RGS6: variants seen among roughly 807,000 people sequenced by gnomAD.
The protein encoded by RGS6 is regulator of G protein signaling 6.
In RGS6, 30 loss-of-function variants were observed where a neutral mutation model predicts 78.5. That is an observed-to-expected ratio of 0.38 (90% CI 0.29 to 0.52). The LOEUF (loss-of-function observed/expected upper bound fraction) is 0.52. RGS6 is among the 20% of genes least tolerant of loss of function. The probability of loss-of-function intolerance (pLI) is 0.85; values close to 1 mark genes in which losing one functional copy is unlikely to be tolerated. For synonymous variants in RGS6, 206 were observed against 206.0 expected, an observed-to-expected ratio of 1.00 and a Z score of 0.00; for missense variants, 495 against 609.7, an observed-to-expected ratio of 0.81 and a Z score of 1.98.
chr14:72,362,365 A>G (rs1488146428), intron 3 of RGS6, among the ~76,000 whole-genome samples: 1 of 152,214 alleles, frequency 6.6e-6, no homozygotes, highest in African/African-American at 2.4e-5. Flanking sequence ...TGTATAACAA[A>G]CCCACAAACT....
intron 3 of RGS6, among the ~76,000 whole-genome samples, chr14:72,381,411 A>G (rs188460983): frequency 2.0e-5 from 3 of 152,238 alleles, no homozygotes; most frequent in Non-Finnish European, 4.4e-5. Context: ...TACCCCATAA[A>G]TATGTACAAT....
At chr14:72,075,552 T>C (rs2094545045) in intron 2 of RGS6, among the ~76,000 whole-genome samples, 1 of 152,184 alleles carries the variant, frequency 6.6e-6, no homozygotes, top group Non-Finnish European at 1.5e-5. Context: ...TATAAATATA[T>C]GACATGTTCA....
chr14:72,367,788 G>A (rs961577773), intron 3 of RGS6, among the ~76,000 whole-genome samples: 2 of 152,132 alleles, frequency 1.3e-5, no homozygotes, highest in Non-Finnish European at 2.9e-5. Context: ...AACAGCCTAT[G>A]TGACCTGGGT....
chr14:72,038,508 C>T (rs1178460663), intron 2 of RGS6, among the ~76,000 whole-genome samples: 1 of 152,078 alleles, frequency 6.6e-6, no homozygotes, highest in East Asian at 1.9e-4. Context: ...ACAATACTAT[C>T]TTCCAATTTT....
intron 2 of RGS6, among the ~76,000 whole-genome samples, chr14:72,169,862 A>G (rs534621589): frequency 5.9e-5 from 9 of 152,236 alleles, no homozygotes; most frequent in African/African-American, 2.2e-4. Flanking sequence ...AGAATCTTTA[A>G]CCTTCTCCTA....
the RGS6 span, among the ~76,000 whole-genome samples, chr14:72,613,377 C>T: frequency 7.4e-4 from 112 of 152,286 alleles, no homozygotes; most frequent in African/African-American, 2.6e-3. Flanking sequence ...TATCTCTGTC[C>T]AAGAGGGTTC....
Position 72,562,851 on chromosome 14 carries a change from A to T in RGS6, c.*384A>T, listed in dbSNP as rs2097692068. On this transcript the variant is annotated 3_prime_UTR_variant, in exon 18 of 18. Transcript: ENST00000553525. Reference sequence around the variant, plus strand: ...ACTCCCTCGCTGTCTGGAGACGGTCACACCTTCTGGCAAATTCAAGAGGCA... The same window carrying T: ...ACTCCCTCGCTGTCTGGAGACGGTCTCACCTTCTGGCAAATTCAAGAGGCA... 8.4e-7 allele frequency: 1 copy of T among 1,185,656 alleles called. No individual in the cohort carries two copies. Among genetic ancestry groups the T allele is most frequent in the Non-Finnish European group, 1.2e-6 (1 of 827,532 alleles). The allele number at this position is 1,185,656 out of a possible 1,614,324, so 73.4% of individuals were successfully genotyped here. A position where few individuals can be genotyped will look rare whatever the true frequency, so the allele number is the denominator to read the frequency against.
rs2092473069 is a variant in RGS6, at chr14:72,402,162, CAAAG to C, written c.184+49970_184+49973del. ...CCCTTGGCTGAACCCAGCCAGAAGG[CAAAG>C]AGAGACCCATTGGTCCATTCCGTCC... is the stretch of plus-strand genomic sequence containing the variant. On this transcript the variant is annotated intron_variant, in intron 3 of 17. Coordinates refer to ENST00000553525, the MANE Select transcript of RGS6 (RefSeq NM_001204424.2). 1.3e-5 allele frequency among the ~76,000 whole-genome samples: 2 copies of C among 152,150 alleles called. 1 individual carries two copies. Among genetic ancestry groups the C allele is most frequent in the Non-Finnish European group, 2.9e-5 (2 of 68,034 alleles).
intron 2 of RGS6, among the ~76,000 whole-genome samples, chr14:72,185,540 C>A (rs756462086): frequency 4.6e-5 from 7 of 152,058 alleles, no homozygotes; most frequent in Non-Finnish European, 4.4e-5. Context: ...AACAGTATGA[C>A]AAATGAAGGA....
the RGS6 span, among the ~76,000 whole-genome samples, chr14:71,885,771 CTCT>C: frequency 1.0e-3 from 4 of 4,016 alleles, no homozygotes; most frequent in African/African-American, 0.012. Context: ...CCAATGCTGT[CTCT>C]ACTTTTAGAG....
intron 2 of RGS6, among the ~76,000 whole-genome samples, chr14:72,085,920 C>G (rs1342230923): frequency 6.7e-6 from 1 of 150,042 alleles, no homozygotes; most frequent in African/African-American, 2.4e-5. Context: ...CAGACATTTC[C>G]TGACTCATAG....
At chr14:72,469,141 C>G (rs965665197) in intron 7 of RGS6, among the ~76,000 whole-genome samples, 3 of 151,438 alleles carry the variant, frequency 2.0e-5, no homozygotes, top group Non-Finnish European at 2.9e-5. Context: ...CCCTCAATGA[C>G]TTTTCTTTCT....
At chr14:72,550,464 G>A (rs1174638785) in intron 17 of RGS6, 27 of 1,535,502 alleles carry the variant, frequency 1.8e-5, no homozygotes, top group Non-Finnish European at 2.4e-5. Context: ...GGAAAAGACA[G>A]ACTGTCAAGC....
At chr14:72,622,436 A>C in the RGS6 span, among the ~76,000 whole-genome samples, 2 of 152,182 alleles carry the variant, frequency 1.3e-5, no homozygotes, top group African/African-American at 4.8e-5. Flanking sequence ...GGGATAATAC[A>C]AGGAGAAACA....
At chr14:72,494,215 A>G (rs2096614803) in intron 12 of RGS6, among the ~76,000 whole-genome samples, 1 of 152,226 alleles carries the variant, frequency 6.6e-6, no homozygotes, top group Non-Finnish European at 1.5e-5. Flanking sequence ...AAGTAGTATG[A>G]TATTTAGCTG....
At chr14:72,514,746 C>T (rs1435061526) in intron 14 of RGS6, among the ~76,000 whole-genome samples, 2 of 152,202 alleles carry the variant, frequency 1.3e-5, no homozygotes, top group African/African-American at 4.8e-5. Context: ...TGCTGCAAGC[C>T]ATGGAGGCTC....
intron 15 of RGS6, among the ~76,000 whole-genome samples, chr14:72,528,292 T>G (rs1317676293): frequency 1.3e-5 from 2 of 152,186 alleles, no homozygotes; most frequent in Non-Finnish European, 2.9e-5. Context: ...CTCTATTGAT[T>G]CTAGTTGGTT....
intron 1 of RGS6, among the ~76,000 whole-genome samples, chr14:71,954,144 G>A (rs1595152870): frequency 6.6e-6 from 1 of 151,522 alleles, no homozygotes; most frequent in Admixed American, 6.6e-5. Flanking sequence ...CCTAGATGTA[G>A]TTTTTCTTTT....
At chr14:72,252,910 G>A (rs184817098) in intron 2 of RGS6, among the ~76,000 whole-genome samples, 7 of 152,264 alleles carry the variant, frequency 4.6e-5, no homozygotes, top group African/African-American at 1.2e-4. Flanking sequence ...CAAATATACT[G>A]GGGACTCCCT....
Sources: gnomAD v4.1 joint callset for allele counts (sites outside exome capture counted in the v4.1 genomes callset) on GRCh38, gnomAD v4.1.1 for gene constraint, MANE v1.5 for transcripts, NCBI Gene and HGNC (gene_info 2026-07-23, HGNC 2026-07-21) for gene names.